The following CNTNAP2 variants were observed in gnomAD, a reference collection of about 807,000 sequenced individuals.
CNTNAP2 encodes the protein contactin-associated protein-like 2.
Under a neutral mutation model 155.2 loss-of-function variants are expected in CNTNAP2, and 98 were observed. The observed-to-expected ratio is 0.63, with a 90% CI of 0.54 to 0.75. The LOEUF (loss-of-function observed/expected upper bound fraction) is 0.75. Among genes scored for constraint, CNTNAP2 ranks in the 30% least tolerant of loss-of-function variants. The pLI, the probability that CNTNAP2 is intolerant of heterozygous loss-of-function variation, is 0.00. For synonymous variants in CNTNAP2, 651 were observed against 631.2 expected, an observed-to-expected ratio of 1.03 and a Z score of -0.47; for missense variants, 1,727 against 1,688.1, an observed-to-expected ratio of 1.02 and a Z score of -0.40.
chr7:147,489,574 G>A (rs1203283759), intron 11 of CNTNAP2, among the ~76,000 whole-genome samples: 3 of 152,104 alleles, frequency 2.0e-5, no homozygotes, highest in Non-Finnish European at 4.4e-5. Flanking sequence ...TGTGTTTATT[G>A]TATTGACTTA....
chr7:147,634,239 T>C (rs1184841798), intron 12 of CNTNAP2, among the ~76,000 whole-genome samples: 1 of 152,202 alleles, frequency 6.6e-6, no homozygotes, highest in African/African-American at 2.4e-5. Flanking sequence ...ATAAAGAGAA[T>C]GTGGTATATA....
intron 11 of CNTNAP2, among the ~76,000 whole-genome samples, chr7:147,538,904 T>C (rs887993976): frequency 6.6e-6 from 1 of 152,032 alleles, no homozygotes; most frequent in Admixed American, 6.6e-5. Flanking sequence ...TTCAGCTCAA[T>C]GTAAGAAAAA....
In CNTNAP2 at chr7:146,995,786, A is replaced by T. The variant is rs182791506; in HGVS notation, c.403-48121A>T. ...ATGTATCAGATGTGTAGTTAACCAG[A>T]TGTATAGTTTGCAAATATTTTCTCC... is the stretch of plus-strand genomic sequence containing the variant. On this transcript the variant is annotated intron_variant, in intron 3 of 23. Transcript: ENST00000361727. Among the ~76,000 whole-genome samples, 74 of 152,244 alleles carry T rather than the reference A, an allele frequency of 4.9e-4. 1 individual carries two copies. In the East Asian group the frequency reaches 0.012, roughly 25 times the overall value.
At chr7:147,908,562 G>T (rs1245268629) in intron 14 of CNTNAP2, among the ~76,000 whole-genome samples, 1 of 152,024 alleles carries the variant, frequency 6.6e-6, no homozygotes, top group Non-Finnish European at 1.5e-5. Flanking sequence ...TCTCTAACTA[G>T]GAGAAGTGAG....
intron 14 of CNTNAP2, among the ~76,000 whole-genome samples, chr7:147,951,778 G>A (rs1443537459): frequency 6.6e-6 from 1 of 151,892 alleles, no homozygotes; most frequent in Non-Finnish European, 1.5e-5. Flanking sequence ...CGGGGGTAGA[G>A]GGCAAAGAGA....
chr7:147,293,859 T>C (rs1805363371), intron 8 of CNTNAP2, among the ~76,000 whole-genome samples: 1 of 152,268 alleles, frequency 6.6e-6, no homozygotes, highest in African/African-American at 2.4e-5. Flanking sequence ...CTAACAATTA[T>C]AAGTTAGGGA....
chr7:147,871,782 G>T (rs188764583), intron 13 of CNTNAP2, among the ~76,000 whole-genome samples: 1 of 151,176 alleles, frequency 6.6e-6, no homozygotes, highest in Non-Finnish European at 1.5e-5. Flanking sequence ...TATGTGAGTC[G>T]TGGCCGAATA....
intron 13 of CNTNAP2, among the ~76,000 whole-genome samples, chr7:147,662,231 A>T (rs1795623742): frequency 6.6e-6 from 1 of 152,216 alleles, no homozygotes; most frequent in African/African-American, 2.4e-5. Context: ...CACCTCAAGG[A>T]TCCTTTGCCC....
intron 3 of CNTNAP2, among the ~76,000 whole-genome samples, chr7:146,879,323 C>G (rs1054499389): frequency 4.6e-5 from 7 of 152,100 alleles, no homozygotes; most frequent in African/African-American, 1.7e-4. Flanking sequence ...TTAAATGCAT[C>G]CAGTTATATA....
rs113104826 is a variant in CNTNAP2 at position 147,190,984 on chromosome 7, A to T, written c.1348+58475A>T. 3.4e-3 allele frequency among the ~76,000 whole-genome samples: 514 copies of T among 152,302 alleles called. 4 individuals are homozygous for T. The highest frequency in any genetic ancestry group is 0.011 in the African/African-American group (466 of 41,570). On this transcript the variant is annotated intron_variant, in intron 8 of 23. Coordinates refer to ENST00000361727, the MANE Select transcript of CNTNAP2 (RefSeq NM_014141.6). ...GACTATATTCAAATAATAAGAAAAA[A>T]GTCAGGACTCTAACTTGGAAGATGT...
chr7:148,314,170 G>T (rs902847258), intron 21 of CNTNAP2, among the ~76,000 whole-genome samples: 1 of 152,140 alleles, frequency 6.6e-6, no homozygotes, highest in Admixed American at 6.5e-5. Context: ...AGATTAGAAA[G>T]ACTCAGCGAC....
intron 10 of CNTNAP2, among the ~76,000 whole-genome samples, chr7:147,445,545 G>T (rs1797719828): frequency 6.6e-6 from 1 of 152,154 alleles, no homozygotes; most frequent in Admixed American, 6.5e-5. Context: ...GCACTGTTTT[G>T]AGGATAAAGG....
intron 1 of CNTNAP2, among the ~76,000 whole-genome samples, chr7:146,270,725 G>A (rs953644359): frequency 2.6e-5 from 4 of 151,936 alleles, no homozygotes; most frequent in Admixed American, 1.3e-4. Flanking sequence ...TCTTAAAAAA[G>A]CACATCAGCT....
chr7:147,795,856 G>T (rs1028534726), intron 13 of CNTNAP2, among the ~76,000 whole-genome samples: 1 of 152,130 alleles, frequency 6.6e-6, no homozygotes, highest in Non-Finnish European at 1.5e-5. Context: ...TTTTAGCACT[G>T]ATATGCTAAA....
intron 9 of CNTNAP2, 112 bp downstream of exon 9, chr7:147,300,402 T>C (rs988105994): frequency 2.1e-6 from 2 of 962,956 alleles, no homozygotes; most frequent in Middle Eastern, 2.6e-4. Context: ...GTAGATCTCA[T>C]GACAAAACAA....
At chr7:146,958,187 C>T (rs561079842) in intron 3 of CNTNAP2, among the ~76,000 whole-genome samples, 5 of 151,956 alleles carry the variant, frequency 3.3e-5, no homozygotes, top group Non-Finnish European at 2.9e-5. Flanking sequence ...GCTGCCTTTA[C>T]GTGACATAGG....
intron 9 of CNTNAP2, among the ~76,000 whole-genome samples, chr7:147,359,139 A>C (rs1487708988): frequency 6.6e-6 from 1 of 152,170 alleles, no homozygotes; most frequent in Non-Finnish European, 1.5e-5. Context: ...TAGGCATCAA[A>C]ATCACTCAAA....
chr7:146,344,859 A>G (rs1794796108), intron 1 of CNTNAP2, among the ~76,000 whole-genome samples: 1 of 152,210 alleles, frequency 6.6e-6, no homozygotes, highest in Non-Finnish European at 1.5e-5. Context: ...GAACATTTAG[A>G]GAAAACACCA....
intron 1 of CNTNAP2, among the ~76,000 whole-genome samples, chr7:146,298,204 T>G (rs2129087837): frequency 6.6e-6 from 1 of 152,252 alleles, no homozygotes; most frequent in South Asian, 2.1e-4. Context: ...TTGAATGTGG[T>G]TTTTTGCTTT....
Sources: gnomAD v4.1 joint callset for allele counts (sites outside exome capture counted in the v4.1 genomes callset) on GRCh38, gnomAD v4.1.1 for gene constraint, MANE v1.5 for transcripts, NCBI Gene and HGNC (gene_info 2026-07-23, HGNC 2026-07-21) for gene names.